Variants in SRGAP2B observed in about 807,000 individuals in gnomAD.
SRGAP2B encodes SLIT-ROBO Rho GTPase-activating protein 2B.
SRGAP2B carries 9 observed loss-of-function variants against 22.2 expected under a neutral mutation model. The observed-to-expected ratio is 0.41, with a 90% CI of 0.24 to 0.71. The LOEUF (loss-of-function observed/expected upper bound fraction) is 0.71. Among genes scored for constraint, SRGAP2B ranks in the 30% least tolerant of loss-of-function variants. SRGAP2B has a pLI of 0.35. For synonymous variants in SRGAP2B, 36 were observed against 87.4 expected (o/e 0.41, Z 3.28); for missense variants, 114 against 235.8 (o/e 0.48, Z 3.38).
At chr1:144,924,588 C>T (rs1470311139) in intron 4 of SRGAP2B, among the ~76,000 whole-genome samples, 1 of 151,458 alleles carries the variant, frequency 6.6e-6, no homozygotes, top group Admixed American at 6.6e-5. Context: ...AAAAGTTAGC[C>T]GGGCGTAGTG....
intron 2 of SRGAP2B, among the ~76,000 whole-genome samples, chr1:145,008,998 C>T (rs587639878): frequency 2.7e-5 from 4 of 148,332 alleles, no homozygotes; most frequent in East Asian, 2.0e-4. Context: ...AGTGAAACCC[C>T]GTCTCTACTA....
chr1:144,956,439 C>CTTTT (rs3069132), intron 3 of SRGAP2B, among the ~76,000 whole-genome samples: 22 of 95,384 alleles, frequency 2.3e-4, no homozygotes, highest in African/African-American at 6.0e-4. Context: ...TGCTCATTCC[C>CTTTT]TTTTTTTTTT....
At chr1:144,913,040 A>G (rs1663531828) in intron 5 of SRGAP2B, among the ~76,000 whole-genome samples, 1 of 141,224 alleles carries the variant, frequency 7.1e-6, no homozygotes, top group Admixed American at 7.0e-5. Context: ...GACCAGAGAA[A>G]TAAGTTCCAA....
At chr1:145,022,462 G>A (rs1252987262) in intron 2 of SRGAP2B, among the ~76,000 whole-genome samples, 12 of 127,382 alleles carry the variant, frequency 9.4e-5, no homozygotes, top group Non-Finnish European at 1.6e-4. Context: ...CTCCCAGGAG[G>A]GGGCATATTG....
intron 3 of SRGAP2B, among the ~76,000 whole-genome samples, chr1:144,982,097 GGAATACTTAACTCTGCACAAGGAAT>G (rs1669355504): frequency 7.9e-6 from 1 of 126,674 alleles, no homozygotes; most frequent in Admixed American, 8.7e-5. Flanking sequence ...GCCAGGCTTA[GGAATACTTAACTCTGCACAAGGAAT>G]GACTAGTGTA....
chr1:144,944,386 C>A, intron 4 of SRGAP2B, among the ~76,000 whole-genome samples: 1 of 149,450 alleles, frequency 6.7e-6, no homozygotes, highest in Non-Finnish European at 1.5e-5. Flanking sequence ...ATTTGAGCCC[C>A]AGAGTTCAAG....
chr1:144,967,540 G>A (rs1668179957), intron 3 of SRGAP2B, among the ~76,000 whole-genome samples: 1 of 148,514 alleles, frequency 6.7e-6, no homozygotes, highest in Non-Finnish European at 1.5e-5. Context: ...GAGAAAGCAG[G>A]AAAGATCCAA....
At chr1:144,943,773 T>C (rs1666253306) in intron 4 of SRGAP2B, among the ~76,000 whole-genome samples, 1 of 149,242 alleles carries the variant, frequency 6.7e-6, no homozygotes, top group Non-Finnish European at 1.5e-5. Flanking sequence ...AGCAGCATTA[T>C]TTATAACATA....
rs587677180 is a variant in SRGAP2B at position 144,973,064 on chromosome 1, C to T, written c.261-17463G>A. On this transcript the variant is annotated intron_variant, in intron 3 of 9. Transcript: ENST00000612199. ...CAGAGGTTGCAGTGAGCCAAGATGGCGCCATTACACTCCAGCCCGGGTGAA... is the reference window on the plus strand; with the variant it reads ...CAGAGGTTGCAGTGAGCCAAGATGGTGCCATTACACTCCAGCCCGGGTGAA... 4.2e-3 allele frequency among the ~76,000 whole-genome samples: 598 copies of T among 143,380 alleles called. 10 individuals carry two copies. Among genetic ancestry groups the T allele is most frequent in the Non-Finnish European group, 6.8e-3 (455 of 66,644 alleles). The allele number at this position is 143,380 out of a possible 152,430, so 94.1% of individuals were successfully genotyped here. A position where few individuals can be genotyped will look rare whatever the true frequency, so the allele number is the denominator to read the frequency against.
At chr1:144,915,740 G>T (rs1663828263) in intron 4 of SRGAP2B, among the ~76,000 whole-genome samples, 1 of 150,802 alleles carries the variant, frequency 6.6e-6, no homozygotes, top group Admixed American at 6.6e-5. Flanking sequence ...AAAAAGAAAA[G>T]AAAAGGAAAG....
chr1:144,950,320 G>A (rs1666761227), intron 4 of SRGAP2B, among the ~76,000 whole-genome samples: 1 of 139,484 alleles, frequency 7.2e-6, no homozygotes, highest in African/African-American at 2.8e-5. Flanking sequence ...CATGCAAAAT[G>A]TAAAATATGT....
intron 2 of SRGAP2B, among the ~76,000 whole-genome samples, chr1:145,046,877 T>TA (rs1384506030): frequency 2.5e-4 from 14 of 56,942 alleles, no homozygotes; most frequent in Non-Finnish European, 2.0e-4. Context: ...CCTCTTCAAT[T>TA]AAAAAATATA....
chr1:145,047,189 A>AG (rs1649890658), intron 2 of SRGAP2B, among the ~76,000 whole-genome samples: 1 of 69,572 alleles, frequency 1.4e-5, no homozygotes, highest in Non-Finnish European at 2.7e-5. Flanking sequence ...AAAAAAAAAA[A>AG]AAAAAAAAAA....
At chr1:144,984,795 T>C (rs1190206070) in intron 3 of SRGAP2B, among the ~76,000 whole-genome samples, 1 of 150,916 alleles carries the variant, frequency 6.6e-6, no homozygotes, top group African/African-American at 2.5e-5. Flanking sequence ...TTCATACTTA[T>C]TTAAACCATC....
chr1:144,960,601 CCTCT>C (rs1553611093), intron 3 of SRGAP2B, among the ~76,000 whole-genome samples: 2 of 150,230 alleles, frequency 1.3e-5, no homozygotes, highest in Admixed American at 1.3e-4. Flanking sequence ...TCCAAGTTGG[CCTCT>C]CTATTATGGT....
At chr1:144,913,962 G>A (rs1553603312) in intron 5 of SRGAP2B, among the ~76,000 whole-genome samples, 1 of 150,314 alleles carries the variant, frequency 6.7e-6, no homozygotes, top group African/African-American at 2.5e-5. Context: ...TGGTGTGTAT[G>A]TGTGTGAGTG....
chr1:144,899,659 G>A (rs1366421898), intron 7 of SRGAP2B, among the ~76,000 whole-genome samples: 1 of 146,744 alleles, frequency 6.8e-6, no homozygotes, highest in African/African-American at 2.6e-5. Context: ...CAGCTATATG[G>A]CCATAAGCAA....
intron 3 of SRGAP2B, among the ~76,000 whole-genome samples, chr1:144,956,675 C>T (rs1275682132): frequency 3.3e-5 from 5 of 149,416 alleles, no homozygotes; most frequent in African/African-American, 1.0e-4. Flanking sequence ...CTTGAACTCC[C>T]GACCTCAAGT....
chr1:145,082,152 C>T (rs587692013), intron 2 of SRGAP2B, among the ~76,000 whole-genome samples: 2 of 148,802 alleles, frequency 1.3e-5, no homozygotes, highest in Non-Finnish European at 3.0e-5. Flanking sequence ...AATGGAGGAA[C>T]ATGCCCCAAC....
Sources: allele counts gnomAD v4.1 joint callset (sites outside exome capture counted in the v4.1 genomes callset), GRCh38; gene constraint gnomAD v4.1.1; transcripts MANE v1.5; gene names NCBI Gene and HGNC (gene_info 2026-07-23, HGNC 2026-07-21).